The following TLN2 variants were observed in gnomAD, a reference collection of about 807,000 sequenced individuals.
TLN2 encodes the protein talin-2.
Under a neutral mutation model 294.7 loss-of-function variants are expected in TLN2, and 118 were observed. That is an observed-to-expected ratio of 0.40 (90% CI 0.34 to 0.47). TLN2 has a LOEUF of 0.47. Ranked by LOEUF, TLN2 falls within the 20% of genes least tolerant of loss-of-function variation. The probability of loss-of-function intolerance (pLI) is 0.84; values close to 1 mark genes in which losing one functional copy is unlikely to be tolerated. For synonymous variants in TLN2, 1,431 were observed against 1,304.5 expected, an observed-to-expected ratio of 1.10 and a Z score of -2.09; for missense variants, 3,083 against 3,282.2, an observed-to-expected ratio of 0.94 and a Z score of 1.48.
At chr15:62,534,438 T>C (rs1464164506) in intron 1 of TLN2, among the ~76,000 whole-genome samples, 1 of 152,126 alleles carries the variant, frequency 6.6e-6, no homozygotes, top group Non-Finnish European at 1.5e-5. Context: ...GGAAACATCA[T>C]GGAAAATATG....
intron 9 of TLN2, among the ~76,000 whole-genome samples, chr15:62,664,857 C>CAAAAAAAAAAAAAAAAAAAAAAAAAAAAA (rs10634187): frequency 3.4e-5 from 1 of 29,234 alleles, no homozygotes; most frequent in African/African-American, 1.3e-4. Flanking sequence ...GAAACTGTCT[C>CAAAAAAAAAAAAAAAAAAAAAAAAAAAAA]AAAAAAAAAA....
intron 1 of TLN2, among the ~76,000 whole-genome samples, chr15:62,521,887 C>T (rs552432584): frequency 1.3e-5 from 2 of 152,092 alleles, no homozygotes; most frequent in East Asian, 1.9e-4. Flanking sequence ...TGCTCTCTGC[C>T]GTGTGACGCT....
chr15:62,519,013 C>G (rs905009607), intron 1 of TLN2, among the ~76,000 whole-genome samples: 2 of 152,196 alleles, frequency 1.3e-5, no homozygotes, highest in African/African-American at 4.8e-5. Flanking sequence ...GTTTAAACTT[C>G]ACAGCAATTC....
At chr15:62,642,163 A>T (rs951949778) in intron 3 of TLN2, among the ~76,000 whole-genome samples, 2 of 152,258 alleles carry the variant, frequency 1.3e-5, no homozygotes, top group Non-Finnish European at 2.9e-5. Context: ...GTGAGACAAG[A>T]TTATGAAAAG....
intron 1 of TLN2, among the ~76,000 whole-genome samples, chr15:62,523,936 C>G (rs1302328834): frequency 5.3e-5 from 8 of 152,218 alleles, no homozygotes; most frequent in African/African-American, 1.9e-4. Context: ...GGGAAGAGCT[C>G]AGTCTTGGGG....
chr15:62,461,759 C>G (rs191238276), intron 1 of TLN2, among the ~76,000 whole-genome samples: 1 of 152,168 alleles, frequency 6.6e-6, no homozygotes, highest in Non-Finnish European at 1.5e-5. Context: ...TAAGAGGCGC[C>G]TACTCCATGC....
At chr15:62,524,101 C>A (rs1238112935) in intron 1 of TLN2, among the ~76,000 whole-genome samples, 1 of 152,206 alleles carries the variant, frequency 6.6e-6, no homozygotes, top group Non-Finnish European at 1.5e-5. Context: ...AAACATAAAT[C>A]CCAATCCTTC....
At chr15:62,398,127 G>A (rs904058265) in intron 1 of TLN2, among the ~76,000 whole-genome samples, 35 of 152,264 alleles carry the variant, frequency 2.3e-4, no homozygotes, top group African/African-American at 3.4e-4. Context: ...CCCACGTGTC[G>A]TGGGAGGGAC....
intron 1 of TLN2, among the ~76,000 whole-genome samples, chr15:62,394,387 T>G (rs1254281789): frequency 6.6e-6 from 1 of 152,212 alleles, no homozygotes; most frequent in African/African-American, 2.4e-5. Context: ...AATTCAGTTA[T>G]TTTTATTAGG....
At chr15:62,759,729 G>C (rs1284258105) in intron 37 of TLN2, among the ~76,000 whole-genome samples, 1 of 152,228 alleles carries the variant, frequency 6.6e-6, no homozygotes, top group Non-Finnish European at 1.5e-5. Flanking sequence ...GATCCCAGCT[G>C]AAGGGGTATG....
At chr15:62,399,256 C>CAAAAAA (rs546678440) in intron 1 of TLN2, among the ~76,000 whole-genome samples, 1,026 of 58,300 alleles carry the variant, frequency 0.018, 125 homozygotes, top group Non-Finnish European at 0.022. Context: ...CCGTCTCAAA[C>CAAAAAA]AAAAAAAAAA....
intron 21 of TLN2, among the ~76,000 whole-genome samples, chr15:62,711,017 C>T (rs1315523524): frequency 5.3e-5 from 8 of 151,948 alleles, no homozygotes; most frequent in East Asian, 1.9e-4. Context: ...TGAGCCACCG[C>T]GCCTGGCCCT....
intron 51 of TLN2, among the ~76,000 whole-genome samples, chr15:62,806,828 G>C (rs552838720): frequency 6.6e-6 from 1 of 152,306 alleles, no homozygotes; most frequent in East Asian, 1.9e-4. Context: ...TTGAAGACCA[G>C]CTCCTACAGC....
intron 1 of TLN2, among the ~76,000 whole-genome samples, chr15:62,589,343 T>C (rs750677962): frequency 1.3e-5 from 2 of 152,108 alleles, no homozygotes; most frequent in Non-Finnish European, 2.9e-5. Flanking sequence ...AGAAGCAGAG[T>C]GCAATGCCTG....
chr15:62,673,501 T>C (rs1000176211), intron 9 of TLN2, among the ~76,000 whole-genome samples: 3 of 151,624 alleles, frequency 2.0e-5, no homozygotes, highest in Non-Finnish European at 4.4e-5. Flanking sequence ...TAGAAAATAG[T>C]GTTTTTAAAA....
chr15:62,720,007 GCCT>G (rs1433581026), intron 25 of TLN2, 127 bp downstream of exon 25: 4 of 651,820 alleles, frequency 6.1e-6, no homozygotes, highest in Non-Finnish European at 9.5e-6. Flanking sequence ...GGGCTTGAAG[GCCT>G]CTTCTTTACC....
intron 1 of TLN2, among the ~76,000 whole-genome samples, chr15:62,452,237 C>A (rs745525210): frequency 7.2e-5 from 11 of 152,170 alleles, no homozygotes; most frequent in African/African-American, 2.7e-4. Flanking sequence ...GCGAAAAGTC[C>A]GTCCTAGCTG....
chr15:62,447,105 C>G (rs1188883480), intron 1 of TLN2, among the ~76,000 whole-genome samples: 2 of 152,158 alleles, frequency 1.3e-5, no homozygotes, highest in Non-Finnish European at 2.9e-5. Flanking sequence ...CCATAATGAA[C>G]GCATAGCTGC....
At chr15:62,484,058 C>G (rs1013266801) in intron 1 of TLN2, among the ~76,000 whole-genome samples, 3 of 152,170 alleles carry the variant, frequency 2.0e-5, no homozygotes, top group Non-Finnish European at 4.4e-5. Context: ...AGTTTACTGT[C>G]CAGCTGCTGC....
Sources: gnomAD v4.1 joint callset for allele counts (sites outside exome capture counted in the v4.1 genomes callset) on GRCh38, gnomAD v4.1.1 for gene constraint, MANE v1.5 for transcripts, NCBI Gene and HGNC (gene_info 2026-07-23, HGNC 2026-07-21) for gene names.